The following RANBP2 variants were observed in gnomAD, a reference collection of about 807,000 sequenced individuals.
RANBP2 encodes the protein RAN binding protein 2, also known as E3 SUMO-protein ligase RanBP2.
Under a neutral mutation model 303.6 loss-of-function variants are expected in RANBP2, and 57 were observed. The observed-to-expected ratio is 0.19, with a 90% confidence interval of 0.15 to 0.23. The LOEUF (loss-of-function observed/expected upper bound fraction) is 0.23, where lower values mean the gene tolerates loss of function less well. Among genes scored for constraint, RANBP2 ranks in the 10% least tolerant of loss-of-function variants. RANBP2 has a pLI of 1.00. For synonymous variants in RANBP2, 1,167 were observed against 1,301.5 expected (o/e 0.90, Z 2.23); for missense variants, 3,138 against 3,780.8 (o/e 0.83, Z 4.46).
chr2:109,283,005 C>G, the RANBP2 span, among the ~76,000 whole-genome samples: 1 of 152,188 alleles, frequency 6.6e-6, no homozygotes, highest in Non-Finnish European at 1.5e-5. Context: ...GGGGTGACTG[C>G]TTGGCATGGG....
the RANBP2 span, among the ~76,000 whole-genome samples, chr2:109,280,090 G>T: frequency 6.6e-6 from 1 of 152,142 alleles, no homozygotes; most frequent in African/African-American, 2.4e-5. Flanking sequence ...AGAGACAACA[G>T]AGTTCTTTTT....
At chr2:109,597,281 G>C in the RANBP2 span, among the ~76,000 whole-genome samples, 6 of 152,238 alleles carry the variant, frequency 3.9e-5, no homozygotes, top group Admixed American at 3.9e-4. Context: ...AGTAATAATA[G>C]GACAAGAGTT....
At chr2:109,716,532 G>T in the RANBP2 span, among the ~76,000 whole-genome samples, 1 of 151,586 alleles carries the variant, frequency 6.6e-6, no homozygotes, top group Admixed American at 6.6e-5. Flanking sequence ...TTACAGGCGT[G>T]AGCCACCGCA....
At chr2:108,735,955 A>G (rs1332806372) in intron 5 of RANBP2, 149 bp from the exon 6 acceptor site, 34 of 1,549,490 alleles carry the variant, frequency 2.2e-5, no homozygotes, top group Non-Finnish European at 3.0e-5. Flanking sequence ...ATAAATGTAT[A>G]TATTTTTGGT....
At chr2:108,998,973 G>A in the RANBP2 span, among the ~76,000 whole-genome samples, 3 of 152,172 alleles carry the variant, frequency 2.0e-5, no homozygotes, top group East Asian at 1.9e-4. Flanking sequence ...AGACTCTAAC[G>A]GCAGCAAAAG....
chr2:109,519,843 T>C, the RANBP2 span, among the ~76,000 whole-genome samples: 16 of 152,146 alleles, frequency 1.1e-4, no homozygotes, highest in East Asian at 2.9e-3. Context: ...ATGATAGAGA[T>C]GGAGAACAGG....
At chr2:108,734,692 A>G (rs1169816454) in intron 4 of RANBP2, among the ~76,000 whole-genome samples, 1 of 151,786 alleles carries the variant, frequency 6.6e-6, no homozygotes, top group Non-Finnish European at 1.5e-5. Context: ...AAGTAAGGGT[A>G]TGTAGGCCCT....
the RANBP2 span, among the ~76,000 whole-genome samples, chr2:109,203,996 G>A: frequency 6.6e-6 from 1 of 152,202 alleles, no homozygotes; most frequent in African/African-American, 2.4e-5. Context: ...GCTTGAAGGG[G>A]CTCTGAGTGT....
At chr2:108,876,119 A>T in the RANBP2 span, 1 of 1,603,818 alleles carries the variant, frequency 6.2e-7, no homozygotes. Flanking sequence ...ACTTTTTACG[A>T]TTCATCTGAT....
At chr2:109,432,693 C>T in the RANBP2 span, 13 of 1,602,250 alleles carry the variant, frequency 8.1e-6, no homozygotes, top group East Asian at 2.2e-5. Context: ...GTGGTGGCAG[C>T]CTGGGCAAGG....
At chr2:108,798,650 T>C in the RANBP2 span, 2 of 1,301,990 alleles carry the variant, frequency 1.5e-6, no homozygotes, top group Non-Finnish European at 2.1e-6. Flanking sequence ...ATTCACTAGT[T>C]ACTAACATTT....
In RANBP2 at chr2:108,777,326, A is replaced by T. The variant is rs1430907279; in HGVS notation, c.8599+95A>T. The stretch of plus-strand genomic sequence containing the variant: ...TGTTGCAGTATATAACTAAGTTAGA[A>T]GTTTCTTCCCTTACCCCCCAGTTTG... On this transcript the variant is annotated intron_variant, in intron 25 of 28. Coordinates refer to ENST00000283195, the MANE Select transcript of RANBP2 (RefSeq NM_006267.5). The T allele has an allele frequency of 2.0e-3, 1,941 of 981,350 alleles. 5 individuals carry two copies. Among genetic ancestry groups the T allele is most frequent in the Non-Finnish European group, 2.6e-3 (1,731 of 666,554 alleles). The allele number at this position is 981,350 out of a possible 1,614,324, so 60.8% of individuals were successfully genotyped here.
the RANBP2 span, among the ~76,000 whole-genome samples, chr2:109,546,430 TA>T: frequency 6.6e-6 from 1 of 152,288 alleles, no homozygotes; most frequent in East Asian, 1.9e-4. Flanking sequence ...AACTTTAATT[TA>T]AATGAGTTCC....
chr2:109,324,236 C>T, the RANBP2 span, among the ~76,000 whole-genome samples: 2 of 152,184 alleles, frequency 1.3e-5, no homozygotes, highest in Non-Finnish European at 2.9e-5. Flanking sequence ...GATGTTCTCA[C>T]TTTTTCACCA....
chr2:109,057,833 G>A, the RANBP2 span, among the ~76,000 whole-genome samples: 1 of 152,174 alleles, frequency 6.6e-6, no homozygotes, highest in Admixed American at 6.5e-5. Context: ...ACTCATCTCT[G>A]TGTGTTTTCT....
the RANBP2 span, among the ~76,000 whole-genome samples, chr2:109,169,840 A>G: frequency 6.6e-6 from 1 of 152,150 alleles, no homozygotes; most frequent in Non-Finnish European, 1.5e-5. Context: ...GAAGTGGGCT[A>G]TATAAAACCA....
the RANBP2 span, among the ~76,000 whole-genome samples, chr2:109,319,705 G>A: frequency 2.6e-5 from 4 of 152,192 alleles, no homozygotes. Context: ...TGCCGTGCCG[G>A]AGCCAAATGG....
the RANBP2 span, among the ~76,000 whole-genome samples, chr2:109,431,339 C>G: frequency 3.3e-5 from 5 of 152,234 alleles, no homozygotes; most frequent in Non-Finnish European, 1.5e-5. Flanking sequence ...CCACCAGCTT[C>G]CGTGGCTGAA....
At chr2:109,081,879 G>A in the RANBP2 span, among the ~76,000 whole-genome samples, 2 of 152,206 alleles carry the variant, frequency 1.3e-5, no homozygotes, top group African/African-American at 2.4e-5. Flanking sequence ...GGGTCTTGTC[G>A]GGGAGATCAC....
Sources: allele counts gnomAD v4.1 joint callset (sites outside exome capture counted in the v4.1 genomes callset), GRCh38; gene constraint gnomAD v4.1.1; transcripts MANE v1.5; gene names NCBI Gene and HGNC (gene_info 2026-07-23, HGNC 2026-07-21).